Variants in BRWD3 observed in about 807,000 individuals in gnomAD.
The protein encoded by BRWD3 is bromodomain and WD repeat-containing protein 3.
BRWD3 carries 10 observed loss-of-function variants against 149.7 expected under a neutral mutation model. The observed-to-expected ratio is 0.07, with a 90% CI of 0.04 to 0.11. The LOEUF (loss-of-function observed/expected upper bound fraction) is 0.11. BRWD3 is among the 10% of genes least tolerant of loss of function. The pLI is 1.00. For synonymous variants in BRWD3, 504 were observed against 456.7 expected (o/e 1.10, Z -1.32); for missense variants, 940 against 1,373.2 (o/e 0.68, Z 4.99).
rs191887272 is a variant in BRWD3 at position 80,734,124 on chromosome X, T to C, written c.1080A>G (p.Ser360=). ...GTTTCTGATTTTCTCTTACCGTATG[T>C]GACTCTAATTCAGCAATTTTCTCAG... ...EVPEKIAELE[S]HTDKVVAVQF... The change falls in exon 11 of 41, where the codon TCA becomes TCG. Residue 360 remains serine (S), a synonymous_variant. Coordinates refer to ENST00000373275, the MANE Select transcript of BRWD3 (RefSeq NM_153252.5). 2.6e-6 allele frequency: 3 copies of C among 1,165,864 alleles called. No homozygotes were observed. The highest frequency in any genetic ancestry group is 6.0e-5 in the East Asian group (2 of 33,436).
At chrX:80,689,037 G>A (rs2072574668) in intron 33 of BRWD3, among the ~76,000 whole-genome samples, 1 of 110,552 alleles carries the variant, frequency 9.0e-6, no homozygotes. Context: ...GGAGATTAAC[G>A]GTATAAATAA....
At chrX:80,776,314 A>G (rs1305282766) in intron 6 of BRWD3, among the ~76,000 whole-genome samples, 1 of 111,663 alleles carries the variant, frequency 9.0e-6, no homozygotes, top group Non-Finnish European at 1.9e-5. Flanking sequence ...TTTACATTAG[A>G]AAAAAAATAT....
chrX:80,773,207 C>T (rs1312511732), intron 6 of BRWD3, among the ~76,000 whole-genome samples: 2 of 111,217 alleles, frequency 1.8e-5, no homozygotes, highest in Non-Finnish European at 3.8e-5. Context: ...ACTTAGCATG[C>T]AACATAGATA....
chrX:80,742,295 G>A (rs919066190), intron 8 of BRWD3, among the ~76,000 whole-genome samples: 3 of 110,248 alleles, frequency 2.7e-5, no homozygotes, highest in Admixed American at 9.7e-5. Flanking sequence ...CCAGTACCAT[G>A]CTGTTTTGGT....
intron 37 of BRWD3, 64 bp from the exon 38 acceptor site, chrX:80,682,692 C>T: frequency 9.5e-7 from 1 of 1,048,395 alleles, no homozygotes; most frequent in Admixed American, 2.3e-5. Flanking sequence ...TATAAACATG[C>T]CTAGACCAAT....
At chrX:80,795,385 A>T (rs1402173712) in intron 4 of BRWD3, among the ~76,000 whole-genome samples, 2 of 109,974 alleles carry the variant, frequency 1.8e-5, no homozygotes, top group South Asian at 7.6e-4. Flanking sequence ...ATATACACAC[A>T]TATATACATA....
chrX:80,691,007 C>T (rs748725468), intron 31 of BRWD3, 46 bp downstream of exon 31: 1 of 1,181,997 alleles, frequency 8.5e-7, no homozygotes, highest in Non-Finnish European at 1.1e-6. Context: ...AAAGCAAAAG[C>T]CATAAAGCTA....
At chrX:80,683,330 G>T (rs1178069380) in intron 37 of BRWD3, among the ~76,000 whole-genome samples, 1 of 111,604 alleles carries the variant, frequency 9.0e-6, no homozygotes, top group Non-Finnish European at 1.9e-5. Context: ...TTTCACAGGT[G>T]ATTTTTGTTT....
chrX:80,703,141 T>C (rs1047446325), intron 24 of BRWD3, among the ~76,000 whole-genome samples: 4 of 110,981 alleles, frequency 3.6e-5, no homozygotes, highest in African/African-American at 9.8e-5. Flanking sequence ...TTTTAATAAA[T>C]ATTGGAACAT....
rs756314687 is a variant in BRWD3 at position 80,771,623 on chromosome X, T to C, written c.430+20231A>G. ...AAAGCCAAAATTGACAAATGGGATC[T>C]AATTAAACTAAAGAGCTTCTGCACA... On this transcript the variant is annotated intron_variant, in intron 6 of 40. Transcript: ENST00000373275. Among the ~76,000 whole-genome samples, 7 of 111,684 alleles carry C rather than the reference T, an allele frequency of 6.3e-5. No individual in the cohort carries two copies. The South Asian group carries it at 2.6e-3, about 42-fold the overall frequency.
intron 6 of BRWD3, among the ~76,000 whole-genome samples, chrX:80,747,905 T>C (rs938328963): frequency 8.9e-6 from 1 of 112,257 alleles, no homozygotes; most frequent in Admixed American, 9.5e-5. Context: ...TCTTTTACTA[T>C]ATGGATGCAT....
rs2072759161 is a variant in BRWD3 at position 80,700,060 on chromosome X, A to G, written c.2840T>C (p.Ile947Thr). The stretch of plus-strand genomic sequence containing the variant: ...AGCTTCATGTCCTTGCCTAAAATAG[A>G]TAAGCTAAAACAGAAAACATAAGGT... ...PFVPQMGDELIYFRQGHEAYV... is the reference protein window; with the variant it reads ...PFVPQMGDELTYFRQGHEAYV... Residue 947 changes from isoleucine to threonine, a missense_variant, in exon 25 of 41, where the codon ATC (isoleucine) becomes ACC (threonine). This residue lies in a region of BRWD3 where 158 missense variants were observed against 284.0 expected (regional missense o/e 0.56). Transcript: ENST00000373275. 2 of 1,196,942 alleles carry G rather than the reference A, an allele frequency of 1.7e-6. No individual in the cohort carries two copies. The highest frequency in any genetic ancestry group is 3.0e-5 in the East Asian group (1 of 33,611).
intron 35 of BRWD3, 53 bp from the exon 36 acceptor site, chrX:80,685,589 A>C: frequency 2.0e-5 from 18 of 916,990 alleles, no homozygotes; most frequent in East Asian, 3.2e-5. Context: ...ACAAAATATC[A>C]AGACGTGTAA....
In BRWD3 at chrX:80,691,819, A is replaced by T; in HGVS notation, c.3481+4T>A. The T allele has an allele frequency of 1.7e-6, 2 of 1,210,260 alleles. No individual in the cohort carries two copies. The highest frequency in any genetic ancestry group is 3.5e-5 in the African/African-American group (2 of 57,330). Reference sequence around the variant, plus strand: ...CTCCTAAAATTTTTTCACATTCATCATACCCAGGGAAAGAAGGTGGTTGAT... The same window carrying T: ...CTCCTAAAATTTTTTCACATTCATCTTACCCAGGGAAAGAAGGTGGTTGAT... On this transcript the variant is annotated splice_donor_region_variant and intron_variant, in intron 30 of 40. Transcript: ENST00000373275.
intron 24 of BRWD3, among the ~76,000 whole-genome samples, chrX:80,702,857 TTTAA>T (rs2072809611): frequency 8.9e-6 from 1 of 111,940 alleles, no homozygotes; most frequent in African/African-American, 3.2e-5. Flanking sequence ...TGTAAAAACA[TTTAA>T]TTGATTAAAA....
chrX:80,761,574 T>C (rs1296385239), intron 6 of BRWD3, among the ~76,000 whole-genome samples: 1 of 111,166 alleles, frequency 9.0e-6, no homozygotes, highest in Non-Finnish European at 1.9e-5. Flanking sequence ...AAAATTTGAA[T>C]TAGCAGGCAA....
rs149612876 is a variant in BRWD3 at position 80,717,690 on chromosome X, A to G, written c.2114T>C (p.Ile705Thr). ...GTTATGCATTTGTCTAACACCTTCA[A>G]TTTGACTACTATGTCTTCGAAGCCT... ...NIRLRRHSSQIEGVRQMHNNA... is the reference protein window; with the variant it reads ...NIRLRRHSSQTEGVRQMHNNA... Residue 705 changes from isoleucine (I) to threonine (T), a missense_variant, in exon 19 of 41, where the codon ATT becomes ACT. This residue lies in a region of BRWD3 where 103 missense variants were observed against 103.2 expected (regional missense o/e 1.00). Transcript: ENST00000373275. 2 of 1,209,524 alleles carry G rather than the reference A, an allele frequency of 1.7e-6. No individual in the cohort carries two copies. Among genetic ancestry groups the G allele is most frequent in the Non-Finnish European group, 2.2e-6 (2 of 894,680 alleles).
intron 3 of BRWD3, 152 bp downstream of exon 3, chrX:80,808,861 T>C (rs890073919): frequency 9.0e-5 from 56 of 624,073 alleles, no homozygotes; most frequent in Non-Finnish European, 1.3e-4. Flanking sequence ...GTCTGCCCCT[T>C]TTGAGGGAAG....
At chrX:80,696,020 AAT>A (rs2072686126) in intron 26 of BRWD3, 30 bp from the exon 27 acceptor site, 1 of 1,059,379 alleles carries the variant, frequency 9.4e-7, no homozygotes, top group East Asian at 3.0e-5. Context: ...CATATGAATC[AAT>A]ATAGAGATAT....
Sources: allele counts gnomAD v4.1 joint callset (sites outside exome capture counted in the v4.1 genomes callset), GRCh38; gene constraint gnomAD v4.1.1; regional missense constraint gnomAD v4.1.1; transcripts MANE v1.5; gene names NCBI Gene and HGNC (gene_info 2026-07-23, HGNC 2026-07-21).